CDH1: variants seen among roughly 807,000 people sequenced by gnomAD.
CDH1 encodes the protein cadherin 1.
In CDH1, 35 loss-of-function variants were observed where a neutral mutation model predicts 84.5. That is an observed-to-expected ratio of 0.41 (90% confidence interval 0.32 to 0.55). The LOEUF (loss-of-function observed/expected upper bound fraction) is 0.55. Ranked by LOEUF, CDH1 falls within the 20% of genes least tolerant of loss-of-function variation. The pLI, the probability that CDH1 is intolerant of heterozygous loss-of-function variation, is 0.19. For missense variants in CDH1, 994 were observed against 1,126.6 expected (o/e 0.88, Z 1.68); for synonymous variants, 417 against 439.0 (o/e 0.95, Z 0.63).
intron 3 of CDH1, among the ~76,000 whole-genome samples, chr16:68,802,547 A>G (rs1352238331): frequency 6.6e-6 from 1 of 151,708 alleles, no homozygotes; most frequent in East Asian, 1.9e-4. Flanking sequence ...CGTGACTCAC[A>G]GCAACCTCCA....
intron 3 of CDH1, among the ~76,000 whole-genome samples, chr16:68,802,596 G>A (rs1331534319): frequency 6.6e-6 from 1 of 151,962 alleles, no homozygotes; most frequent in Non-Finnish European, 1.5e-5. Context: ...TCCACCTCCT[G>A]AGTAGCTGGG....
At chr16:68,767,940 T>G (rs1219931358) in intron 2 of CDH1, among the ~76,000 whole-genome samples, 5 of 151,172 alleles carry the variant, frequency 3.3e-5, no homozygotes, top group African/African-American at 4.9e-5. Context: ...TAAAAATATG[T>G]TATAAAATAT....
At chr16:68,804,971 C>G (rs977825014) in intron 3 of CDH1, among the ~76,000 whole-genome samples, 5 of 148,716 alleles carry the variant, frequency 3.4e-5, no homozygotes, top group Non-Finnish European at 7.4e-5. Flanking sequence ...GCTGGGACCA[C>G]AGGGTGCACC....
intron 2 of CDH1, among the ~76,000 whole-genome samples, chr16:68,766,733 A>G (rs1197826319): frequency 1.1e-5 from 1 of 91,772 alleles, no homozygotes; most frequent in Admixed American, 1.1e-4. Context: ...AAGGTCTAGA[A>G]CCCCCTTTTT....
intron 3 of CDH1, among the ~76,000 whole-genome samples, chr16:68,803,126 G>A (rs1960559829): frequency 6.6e-6 from 1 of 152,156 alleles, no homozygotes; most frequent in Non-Finnish European, 1.5e-5. Flanking sequence ...TTGGACGTGT[G>A]GAATATGTTG....
chr16:68,824,618 C>A (rs945337889), intron 13 of CDH1, among the ~76,000 whole-genome samples: 13 of 152,012 alleles, frequency 8.6e-5, no homozygotes, highest in African/African-American at 3.1e-4. Context: ...GTAGGGTGAG[C>A]AGTGAGTGTC....
At chr16:68,755,282 CAA>C (rs1188775959) in intron 2 of CDH1, among the ~76,000 whole-genome samples, 36,691 of 95,128 alleles carry the variant, frequency 0.39, 5,276 homozygotes, top group Middle Eastern at 0.52. Context: ...GACTCTGTCT[CAA>C]AAAAAAAAAA....
At chr16:68,820,421 G>A (rs1224555365) in intron 11 of CDH1, among the ~76,000 whole-genome samples, 1 of 149,312 alleles carries the variant, frequency 6.7e-6, no homozygotes, top group South Asian at 2.2e-4. Context: ...TGCAATCTTG[G>A]CTCACTGCAG....
At chr16:68,831,069 CTTTTTTTTTTT>C (rs1157074539) in intron 15 of CDH1, among the ~76,000 whole-genome samples, 6 of 80,290 alleles carry the variant, frequency 7.5e-5, no homozygotes, top group South Asian at 8.9e-4. Context: ...CTTTAGCTTT[CTTTTTTTTTTT>C]TTTTTTTTTT....
At chr16:68,782,945 TAGAATC>T (rs1371664206) in intron 2 of CDH1, among the ~76,000 whole-genome samples, 2 of 152,104 alleles carry the variant, frequency 1.3e-5, no homozygotes, top group African/African-American at 4.8e-5. Flanking sequence ...AAACCACAAA[TAGAATC>T]AGAGAAGGAC....
intron 2 of CDH1, among the ~76,000 whole-genome samples, chr16:68,753,031 A>G (rs917886419): frequency 6.6e-6 from 1 of 151,984 alleles, no homozygotes; most frequent in East Asian, 1.9e-4. Flanking sequence ...GCTTGATGAG[A>G]GACGCAAAAA....
chr16:68,750,953 C>G (rs1962871083), intron 2 of CDH1, among the ~76,000 whole-genome samples: 1 of 152,080 alleles, frequency 6.6e-6, no homozygotes, highest in African/African-American at 2.4e-5. Flanking sequence ...GATCTTCCCA[C>G]CTTGGCCTCC....
intron 2 of CDH1, among the ~76,000 whole-genome samples, chr16:68,771,845 T>G (rs1959588013): frequency 6.6e-6 from 1 of 152,026 alleles, no homozygotes; most frequent in Non-Finnish European, 1.5e-5. Context: ...CCTCCTAAAG[T>G]GCTGGGATTA....
intron 2 of CDH1, among the ~76,000 whole-genome samples, chr16:68,771,524 C>T (rs900943914): frequency 4.6e-5 from 7 of 151,250 alleles, no homozygotes; most frequent in East Asian, 2.0e-4. Context: ...GAGGTGGAGG[C>T]GGGTGGATCA....
intron 3 of CDH1, among the ~76,000 whole-genome samples, chr16:68,806,120 G>GTT (rs201566140): frequency 0.044 from 5,460 of 123,920 alleles, 120 homozygotes; most frequent in Non-Finnish European, 0.058. Context: ...GCTAATTTTT[G>GTT]TATATTTATT....
chr16:68,780,500 C>T (rs975576308), intron 2 of CDH1, among the ~76,000 whole-genome samples: 22 of 152,104 alleles, frequency 1.4e-4, no homozygotes, highest in Admixed American at 2.6e-4. Flanking sequence ...GATAGGGTTT[C>T]GCCATGTTGG....
rs576795731 is a variant in CDH1 at position 68,766,034 on chromosome 16, C to T, written c.163+27623C>T. Among the ~76,000 whole-genome samples, 58 of 152,074 alleles carry T rather than the reference C, an allele frequency of 3.8e-4. 1 individual carries two copies. In the South Asian group the frequency reaches 0.01, roughly 27 times the overall value. On this transcript the variant is annotated intron_variant, in intron 2 of 15. Coordinates refer to ENST00000261769, the MANE Select transcript of CDH1 (RefSeq NM_004360.5). ...CAGCACTTTGGGAGGCCAAGGCAGG[C>T]GAATCATGAGGTCAGGAGTTTGAGA...
intron 4 of CDH1, 39 bp from the exon 5 acceptor site, chr16:68,808,654 C>T (rs2152129980): frequency 6.2e-7 from 1 of 1,613,362 alleles, no homozygotes; most frequent in Non-Finnish European, 8.5e-7. Context: ...GTGTTGGGAT[C>T]CTTCTTTACT....
intron 2 of CDH1, among the ~76,000 whole-genome samples, chr16:68,788,075 CCTT>C (rs1168712781): frequency 2.0e-5 from 3 of 152,124 alleles, no homozygotes; most frequent in South Asian, 4.1e-4. Flanking sequence ...GATTCGCCCT[CCTT>C]GGCCTCCCAA....
Sources: gnomAD v4.1 joint callset for allele counts (sites outside exome capture counted in the v4.1 genomes callset) on GRCh38, gnomAD v4.1.1 for gene constraint, MANE v1.5 for transcripts, NCBI Gene and HGNC (gene_info 2026-07-23, HGNC 2026-07-21) for gene names.